Variants in PTPRD observed in about 807,000 individuals in gnomAD.
PTPRD encodes the protein protein tyrosine phosphatase receptor type D, also known as receptor-type tyrosine-protein phosphatase delta.
In PTPRD, 34 loss-of-function variants were observed where a neutral mutation model predicts 214.5. That is an observed-to-expected ratio of 0.16 (90% confidence interval 0.12 to 0.21). The LOEUF (loss-of-function observed/expected upper bound fraction) is 0.21, where lower values mean the gene tolerates loss of function less well. PTPRD is among the 10% of genes least tolerant of loss of function. The probability of loss-of-function intolerance (pLI) is 1.00; values close to 1 mark genes in which losing one functional copy is unlikely to be tolerated. For missense variants in PTPRD, 2,545 were observed against 2,398.7 expected (o/e 1.06, Z -1.27); for synonymous variants, 1,128 against 845.7 (o/e 1.33, Z -5.79).
intron 10 of PTPRD, among the ~76,000 whole-genome samples, chr9:9,160,028 C>G (rs976390707): frequency 1.3e-5 from 2 of 152,102 alleles, no homozygotes; most frequent in Non-Finnish European, 2.9e-5. Context: ...GTATCTTTAT[C>G]TCACATCATT....
chr9:8,483,459 A>T lies in PTPRD; in HGVS notation c.3413+660T>A, dbSNP rs188571900. Reference sequence around the variant, plus strand: ...CTTATTCCATAAACTATGACATAAAATGCTTTGTAGTAGCCGGGCGCGGTG... The same window carrying T: ...CTTATTCCATAAACTATGACATAAATTGCTTTGTAGTAGCCGGGCGCGGTG... On this transcript the variant is annotated intron_variant, in intron 30 of 45. Coordinates refer to ENST00000381196, the MANE Select transcript of PTPRD (RefSeq NM_002839.4). Among the ~76,000 whole-genome samples, 4 of 152,310 alleles carry T rather than the reference A, an allele frequency of 2.6e-5. No homozygotes were observed. In the East Asian group the frequency reaches 5.8e-4, roughly 22 times the overall value.
rs563428627 is a variant in PTPRD at position 8,357,534 on chromosome 9, A to G, written c.4662-15556T>C. ...CAAATATACTGCATTTGAGACAAGC[A>G]ATAGTTCCTTTTATTGGCTCTGTCT... On this transcript the variant is annotated intron_variant, in intron 39 of 45. Transcript: ENST00000381196. 8.0e-4 allele frequency among the ~76,000 whole-genome samples: 122 copies of G among 152,338 alleles called. 1 individual carries two copies. The highest frequency in any genetic ancestry group is 2.7e-3 in the African/African-American group (112 of 41,584).
chr9:8,353,741 C>T (rs1029567576), intron 39 of PTPRD, among the ~76,000 whole-genome samples: 7 of 151,544 alleles, frequency 4.6e-5, no homozygotes, highest in African/African-American at 1.7e-4. Flanking sequence ...GCCAGTACTG[C>T]CCATTGCCTC....
intron 2 of PTPRD, among the ~76,000 whole-genome samples, chr9:10,352,012 T>C (rs2097192253): frequency 6.6e-6 from 1 of 152,030 alleles, no homozygotes; most frequent in South Asian, 2.1e-4. Flanking sequence ...TCCTATTTCA[T>C]TAAGCTTCAT....
At chr9:9,312,365 G>A (rs902251789) in intron 9 of PTPRD, among the ~76,000 whole-genome samples, 1 of 152,152 alleles carries the variant, frequency 6.6e-6, no homozygotes, top group African/African-American at 2.4e-5. Context: ...AAGTTGTTTA[G>A]TCAACACAGA....
At chr9:9,617,536 G>T (rs1478209397) in intron 7 of PTPRD, among the ~76,000 whole-genome samples, 1 of 152,162 alleles carries the variant, frequency 6.6e-6, no homozygotes, top group Admixed American at 6.5e-5. Context: ...AGTCCTGATG[G>T]CTGAGCAGGT....
chr9:10,109,473 A>G (rs765724931), intron 3 of PTPRD, among the ~76,000 whole-genome samples: 5 of 152,228 alleles, frequency 3.3e-5, no homozygotes, highest in African/African-American at 4.8e-5. Context: ...ATCCTATCAG[A>G]TACCTACTAC....
intron 12 of PTPRD, among the ~76,000 whole-genome samples, chr9:8,657,300 T>C (rs947076274): frequency 4.0e-5 from 6 of 151,838 alleles, no homozygotes; most frequent in African/African-American, 1.5e-4. Context: ...CCTGAGTAGC[T>C]GGAATTACAG....
intron 12 of PTPRD, among the ~76,000 whole-genome samples, chr9:8,674,827 G>C (rs1351993736): frequency 6.6e-6 from 1 of 152,072 alleles, no homozygotes; most frequent in East Asian, 1.9e-4. Context: ...TTTCCAAATT[G>C]GGTTGTTTTT....
At chr9:9,814,135 G>A (rs1174179884) in intron 5 of PTPRD, among the ~76,000 whole-genome samples, 2 of 152,010 alleles carry the variant, frequency 1.3e-5, no homozygotes, top group Non-Finnish European at 2.9e-5. Context: ...AGGTGTAGAA[G>A]ACATGTAAAT....
chr9:8,568,264 A>C (rs999649536), intron 14 of PTPRD, among the ~76,000 whole-genome samples: 1 of 152,158 alleles, frequency 6.6e-6, no homozygotes, highest in African/African-American at 2.4e-5. Context: ...TGGGTCTCCA[A>C]ATCTCAAAGA....
chr9:9,962,468 T>G (rs2094431155), intron 4 of PTPRD, among the ~76,000 whole-genome samples: 1 of 152,062 alleles, frequency 6.6e-6, no homozygotes, highest in Non-Finnish European at 1.5e-5. Flanking sequence ...TATATAAATG[T>G]TCTCACTTGT....
At chr9:10,576,098 G>C (rs2069220824) in intron 2 of PTPRD, among the ~76,000 whole-genome samples, 1 of 152,170 alleles carries the variant, frequency 6.6e-6, no homozygotes, top group Admixed American at 6.6e-5. Flanking sequence ...AATTAACCCA[G>C]ATTCCATTTC....
chr9:10,589,309 C>T (rs919188234), intron 2 of PTPRD, among the ~76,000 whole-genome samples: 1 of 151,954 alleles, frequency 6.6e-6, no homozygotes, highest in Admixed American at 6.6e-5. Context: ...GGGAAGAACA[C>T]AAACTGAACT....
At chr9:9,619,028 C>G (rs1049627603) in intron 7 of PTPRD, among the ~76,000 whole-genome samples, 5 of 151,922 alleles carry the variant, frequency 3.3e-5, no homozygotes, top group Admixed American at 1.3e-4. Context: ...ACAGAGAAAA[C>G]AAGAAAAAGA....
At chr9:8,726,589 ATATATATATATATATATATATATATATAT>A (rs1307487194) in intron 12 of PTPRD, among the ~76,000 whole-genome samples, 325 of 12,918 alleles carry the variant, frequency 0.025, 96 homozygotes, top group African/African-American at 0.051. Context: ...AAAAAAAAAA[ATATATATATATATATATATATATATATAT>A]ATATATATAT....
intron 10 of PTPRD, among the ~76,000 whole-genome samples, chr9:9,050,619 T>A (rs1040541910): frequency 9.9e-5 from 15 of 152,064 alleles, no homozygotes; most frequent in African/African-American, 2.9e-4. Context: ...TCACTCTGAG[T>A]AGAGTGATGA....
At chr9:10,573,214 T>C (rs2068050360) in intron 2 of PTPRD, among the ~76,000 whole-genome samples, 1 of 152,174 alleles carries the variant, frequency 6.6e-6, no homozygotes, top group South Asian at 2.1e-4. Flanking sequence ...AAAGAATTAA[T>C]CTTATTTTAT....
chr9:8,847,578 G>A (rs1280298590), intron 11 of PTPRD, among the ~76,000 whole-genome samples: 1 of 152,122 alleles, frequency 6.6e-6, no homozygotes, highest in Admixed American at 6.5e-5. Flanking sequence ...TTTATTTTAT[G>A]TATCATGTCT....
Sources: gnomAD v4.1 joint callset for allele counts (sites outside exome capture counted in the v4.1 genomes callset) on GRCh38, gnomAD v4.1.1 for gene constraint, MANE v1.5 for transcripts, NCBI Gene and HGNC (gene_info 2026-07-23, HGNC 2026-07-21) for gene names.